Variants in FRMD6 observed in about 807,000 individuals in gnomAD.
FRMD6 encodes FERM domain containing 6.
In FRMD6, 37 loss-of-function variants were observed where a neutral mutation model predicts 73.2. The ratio of observed to expected loss-of-function variants is 0.51; its 90% confidence interval spans 0.39 to 0.66. FRMD6 has a LOEUF of 0.66. Ranked by LOEUF, FRMD6 falls within the 30% of genes least tolerant of loss-of-function variation. The pLI, the probability that FRMD6 is intolerant of heterozygous loss-of-function variation, is 0.00. For missense variants in FRMD6, 714 were observed against 780.5 expected, an observed-to-expected ratio of 0.91 and a Z score of 1.02; for synonymous variants, 273 against 282.2, an observed-to-expected ratio of 0.97 and a Z score of 0.33.
intron 1 of FRMD6, 45 bp from the exon 2 acceptor site, chr14:51,689,646 C>CT: frequency 3.4e-6 from 2 of 596,298 alleles, no homozygotes; most frequent in Non-Finnish European, 6.1e-6. Flanking sequence ...TCTTCGCAGT[C>CT]TTCACCGCCT....
At chr14:51,668,790 C>T (rs1170388640) in intron 1 of FRMD6, among the ~76,000 whole-genome samples, 4 of 150,512 alleles carry the variant, frequency 2.7e-5, no homozygotes, top group African/African-American at 9.8e-5. Flanking sequence ...GCCTCAGCCT[C>T]CTGAGTAGCT....
At chr14:51,420,558 T>A in the FRMD6 span, among the ~76,000 whole-genome samples, 1 of 152,230 alleles carries the variant, frequency 6.6e-6, no homozygotes, top group Admixed American at 6.5e-5. Context: ...CATCCATGGA[T>A]TCAACCAACC....
At chr14:51,711,416 CA>C (rs1896938187) in intron 7 of FRMD6, 114 bp from the exon 8 acceptor site, 1 of 612,534 alleles carries the variant, frequency 1.6e-6, no homozygotes, top group African/African-American at 1.8e-5. Flanking sequence ...TATTTTAAGT[CA>C]AAAACTTTTC....
the FRMD6 span, among the ~76,000 whole-genome samples, chr14:51,476,716 A>G: frequency 1.3e-5 from 2 of 152,200 alleles, no homozygotes; most frequent in Admixed American, 6.5e-5. Flanking sequence ...CAGGAAAGAG[A>G]CTTTTTCAGT....
intron 1 of FRMD6, among the ~76,000 whole-genome samples, chr14:51,541,234 G>A (rs1291980965): frequency 6.6e-6 from 1 of 152,052 alleles, no homozygotes; most frequent in East Asian, 1.9e-4. Context: ...TTTGCAAATT[G>A]TTACAACCTA....
intron 1 of FRMD6, among the ~76,000 whole-genome samples, chr14:51,535,665 A>T (rs1399160669): frequency 1.3e-5 from 2 of 152,204 alleles, no homozygotes; most frequent in African/African-American, 4.8e-5. Context: ...TTTGGTTACT[A>T]TGAGTAACGT....
intron 9 of FRMD6, 130 bp downstream of exon 9, chr14:51,712,681 G>C (rs370357171): frequency 2.8e-4 from 183 of 642,796 alleles, no homozygotes; most frequent in Admixed American, 2.2e-3. Flanking sequence ...TTAAGAAGTT[G>C]ACACTGAAGA....
chr14:51,638,281 TA>T lies in FRMD6; in HGVS notation c.-146-51400del, dbSNP rs879547597. On this transcript the variant is annotated intron_variant, in intron 2 of 14. Transcript: ENST00000356218. ...TGGATGACAGAGCAAGACCTTGTCT[TA>T]AAAAAAAAAGTTTGCCAAATTCCTT... Among the ~76,000 whole-genome samples, 571 of 149,340 alleles carry T rather than the reference TA, an allele frequency of 3.8e-3. 4 individuals carry two copies. Among genetic ancestry groups the T allele is most frequent in the Non-Finnish European group, 3.9e-3 (262 of 67,064 alleles).
the FRMD6 span, among the ~76,000 whole-genome samples, chr14:51,424,853 CT>C: frequency 6.6e-6 from 1 of 152,232 alleles, no homozygotes; most frequent in Non-Finnish European, 1.5e-5. Flanking sequence ...ACACTTTTAT[CT>C]TTTCTGAGCC....
intron 1 of FRMD6, among the ~76,000 whole-genome samples, chr14:51,688,114 G>A (rs74396880): frequency 2.9e-3 from 436 of 151,254 alleles, no homozygotes; most frequent in African/African-American, 9.8e-3. Flanking sequence ...AAAAGCATGC[G>A]TGTTTTTTTT....
intron 2 of FRMD6, among the ~76,000 whole-genome samples, chr14:51,632,810 G>A (rs974411372): frequency 6.6e-6 from 1 of 152,156 alleles, no homozygotes; most frequent in African/African-American, 2.4e-5. Context: ...CAGGTAAAAG[G>A]GGAATTCTTC....
the FRMD6 span, among the ~76,000 whole-genome samples, chr14:51,443,646 G>A: frequency 1.3e-5 from 2 of 152,166 alleles, no homozygotes; most frequent in East Asian, 1.9e-4. Flanking sequence ...TTTCCCATGC[G>A]GGGTTTGTGC....
At chr14:51,447,430 A>G in the FRMD6 span, among the ~76,000 whole-genome samples, 1 of 152,184 alleles carries the variant, frequency 6.6e-6, no homozygotes, top group Middle Eastern at 3.2e-3. Context: ...CCTGAACACC[A>G]GGAAGACGTC....
At chr14:51,726,604 T>C (rs1410954759) in intron 13 of FRMD6, among the ~76,000 whole-genome samples, 37 of 152,196 alleles carry the variant, frequency 2.4e-4, no homozygotes, top group Non-Finnish European at 1.5e-5. Flanking sequence ...AATGTGAAAA[T>C]GATGTTTATG....
intron 2 of FRMD6, among the ~76,000 whole-genome samples, chr14:51,597,456 C>T (rs544061391): frequency 1.3e-5 from 2 of 152,222 alleles, no homozygotes; most frequent in East Asian, 3.9e-4. Flanking sequence ...GGAGGCTTTC[C>T]AGGCAAAAGG....
intron 2 of FRMD6, among the ~76,000 whole-genome samples, chr14:51,626,316 TA>T (rs1891114868): frequency 6.6e-6 from 1 of 152,136 alleles, no homozygotes; most frequent in Non-Finnish European, 1.5e-5. Flanking sequence ...AGCTAGGCAT[TA>T]AATAGGCAAG....
chr14:51,548,848 C>T (rs1360731405), intron 1 of FRMD6, among the ~76,000 whole-genome samples: 3 of 152,176 alleles, frequency 2.0e-5, no homozygotes, highest in East Asian at 1.9e-4. Context: ...GGACCAGCAA[C>T]GTCAGCATCA....
chr14:51,552,044 A>G (rs551225845), intron 1 of FRMD6, among the ~76,000 whole-genome samples: 2 of 152,344 alleles, frequency 1.3e-5, no homozygotes, highest in African/African-American at 4.8e-5. Context: ...CCTAGCCTAT[A>G]GTAGTGTACA....
At chr14:51,476,395 C>G in the FRMD6 span, among the ~76,000 whole-genome samples, 2 of 152,162 alleles carry the variant, frequency 1.3e-5, no homozygotes. Context: ...AGGAGAGACC[C>G]CAACCTAATG....
Sources: gnomAD v4.1 joint callset for allele counts (sites outside exome capture counted in the v4.1 genomes callset) on GRCh38, gnomAD v4.1.1 for gene constraint, MANE v1.5 for transcripts, NCBI Gene and HGNC (gene_info 2026-07-23, HGNC 2026-07-21) for gene names.